Variants in LRRC7 observed in about 807,000 individuals in gnomAD.
The protein encoded by LRRC7 is leucine rich repeat containing 7.
Under a neutral mutation model 175.7 loss-of-function variants are expected in LRRC7, and 23 were observed. That is an observed-to-expected ratio of 0.13 (90% confidence interval 0.09 to 0.19). The LOEUF (loss-of-function observed/expected upper bound fraction) is 0.19. Ranked by LOEUF, LRRC7 falls within the 10% of genes least tolerant of loss-of-function variation. LRRC7 has a pLI of 1.00. For missense variants in LRRC7, 1,354 were observed against 1,904.7 expected, an observed-to-expected ratio of 0.71 and a Z score of 5.38; for synonymous variants, 685 against 680.9, an observed-to-expected ratio of 1.01 and a Z score of -0.09.
At chr1:70,061,598 T>C (rs1661581788) in intron 23 of LRRC7, among the ~76,000 whole-genome samples, 1 of 152,168 alleles carries the variant, frequency 6.6e-6, no homozygotes, top group Admixed American at 6.5e-5. Context: ...TTAAAAAATG[T>C]TTGGCACAAT....
At chr1:69,617,547 T>TAAAAAAAAAAAAA (rs11473590) in intron 1 of LRRC7, among the ~76,000 whole-genome samples, 1,394 of 61,942 alleles carry the variant, frequency 0.023, 111 homozygotes, top group Non-Finnish European at 0.031. Context: ...ATACTCACAG[T>TAAAAAAAAAAAAA]AAAAAAAAAA....
intron 6 of LRRC7, among the ~76,000 whole-genome samples, chr1:69,837,767 A>C (rs1002616503): frequency 6.6e-6 from 1 of 151,676 alleles, no homozygotes; most frequent in Non-Finnish European, 1.5e-5. Flanking sequence ...TATCTCAGTT[A>C]ATTTTAGGAA....
intron 1 of LRRC7, among the ~76,000 whole-genome samples, chr1:69,578,849 G>C (rs1386745155): frequency 1.3e-5 from 2 of 148,862 alleles, no homozygotes; most frequent in African/African-American, 2.5e-5. Flanking sequence ...GCTAAATGAC[G>C]AGTTAATGGG....
intron 4 of LRRC7, among the ~76,000 whole-genome samples, chr1:69,809,006 G>A (rs1677478966): frequency 2.6e-5 from 4 of 151,954 alleles, no homozygotes; most frequent in Admixed American, 2.6e-4. Flanking sequence ...TTTTTGAAAA[G>A]ATCAACAAAA....
At position 70,106,404 on chromosome 1, in the gene LRRC7, G is replaced by A. The variant is rs76543050; in HGVS notation, c.4546-1348G>A. ...AATTGTATAATATTTGGCCTTTTGT[G>A]ACTTGTTTCTTTCACTGGGCATAGT... On this transcript the variant is annotated intron_variant, in intron 25 of 26. Coordinates refer to ENST00000651989, the MANE Select transcript of LRRC7 (RefSeq NM_001370785.2). Among the ~76,000 whole-genome samples the A allele has an allele frequency of 2.6e-5, 4 of 152,060 alleles. No individual in the cohort carries two copies. The East Asian group carries it at 7.7e-4, about 29-fold the overall frequency.
chr1:70,101,961 G>A (rs935492252), intron 25 of LRRC7, among the ~76,000 whole-genome samples: 1 of 152,180 alleles, frequency 6.6e-6, no homozygotes, highest in African/African-American at 2.4e-5. Flanking sequence ...GGAGCTTCCA[G>A]TACCTACCAT....
intron 7 of LRRC7, among the ~76,000 whole-genome samples, chr1:69,864,828 A>G (rs1442020325): frequency 1.3e-5 from 2 of 152,162 alleles, no homozygotes; most frequent in Non-Finnish European, 2.9e-5. Flanking sequence ...AGGAACGCTG[A>G]ATATTTAAGC....
At chr1:69,878,763 G>A (rs902720321) in intron 7 of LRRC7, among the ~76,000 whole-genome samples, 2 of 151,090 alleles carry the variant, frequency 1.3e-5, no homozygotes, top group Non-Finnish European at 2.9e-5. Flanking sequence ...TTAGGGCAGT[G>A]AAGACTCTCT....
intron 7 of LRRC7, among the ~76,000 whole-genome samples, chr1:69,911,607 C>A (rs1004526809): frequency 6.6e-6 from 1 of 152,214 alleles, no homozygotes; most frequent in Non-Finnish European, 1.5e-5. Flanking sequence ...GAGTCCTCTT[C>A]CTGTCCCAGT....
intron 1 of LRRC7, among the ~76,000 whole-genome samples, chr1:69,638,007 A>G (rs1013157143): frequency 6.6e-6 from 1 of 151,848 alleles, no homozygotes; most frequent in Admixed American, 6.6e-5. Flanking sequence ...GGAGGGCACA[A>G]TGAAGTGAGT....
intron 26 of LRRC7, among the ~76,000 whole-genome samples, chr1:70,108,566 T>C (rs1375357717): frequency 6.6e-6 from 1 of 152,200 alleles, no homozygotes; most frequent in Non-Finnish European, 1.5e-5. Flanking sequence ...AAGGAAAAGC[T>C]CTTAAGCATT....
chr1:69,993,584 C>A (rs557404172), intron 10 of LRRC7, among the ~76,000 whole-genome samples: 1 of 152,038 alleles, frequency 6.6e-6, no homozygotes, highest in African/African-American at 2.4e-5. Context: ...TCTGGAGAGT[C>A]ACATTGGTAT....
intron 2 of LRRC7, among the ~76,000 whole-genome samples, chr1:69,691,757 T>A (rs186855549): frequency 6.0e-5 from 8 of 132,810 alleles, no homozygotes; most frequent in Non-Finnish European, 1.2e-4. Context: ...GTGATTACAC[T>A]GCTGCACTCC....
intron 8 of LRRC7, among the ~76,000 whole-genome samples, chr1:69,969,091 T>C (rs1410470402): frequency 6.6e-6 from 1 of 152,084 alleles, no homozygotes; most frequent in African/African-American, 2.4e-5. Context: ...GTGCTGGGAT[T>C]ACAGATGTGA....
At chr1:69,789,152 G>T (rs1171661423) in intron 3 of LRRC7, among the ~76,000 whole-genome samples, 2 of 151,772 alleles carry the variant, frequency 1.3e-5, no homozygotes, top group Non-Finnish European at 2.9e-5. Context: ...TGTTTACTTT[G>T]GTGTCAGTAA....
Position 70,143,973 on chromosome 1 carries a change from G to A in LRRC7, c.*22086G>A, listed in dbSNP as rs774816385. 1.3e-5 allele frequency: 2 copies of A among 152,158 alleles called. No individual in the cohort carries two copies. The highest frequency in any genetic ancestry group is 2.9e-5 in the Non-Finnish European group (2 of 68,028). The allele number at this position is 152,158 out of a possible 1,614,324, so 9.4% of individuals were successfully genotyped here. ...TACTTTATTAACATAGATCGTGAATGTACTTACTGGTTTTTTTGCAGTATG... is the reference window on the plus strand; with the variant it reads ...TACTTTATTAACATAGATCGTGAATATACTTACTGGTTTTTTTGCAGTATG... On this transcript the variant is annotated 3_prime_UTR_variant, in exon 27 of 27. Coordinates refer to ENST00000651989, the MANE Select transcript of LRRC7 (RefSeq NM_001370785.2).
At chr1:69,590,568 C>T (rs919442531) in intron 1 of LRRC7, among the ~76,000 whole-genome samples, 7 of 152,104 alleles carry the variant, frequency 4.6e-5, no homozygotes, top group African/African-American at 1.7e-4. Context: ...AAAGCCTCTT[C>T]CACAAATCAC....
intron 2 of LRRC7, among the ~76,000 whole-genome samples, chr1:69,694,712 G>A (rs1205635794): frequency 6.9e-6 from 1 of 145,630 alleles, no homozygotes; most frequent in African/African-American, 2.6e-5. Flanking sequence ...ATGAGATCTG[G>A]TTGTTTAAAA....
chr1:69,657,465 C>A lies in LRRC7; in HGVS notation c.3-20916C>A, dbSNP rs527645456. On this transcript the variant is annotated intron_variant, in intron 1 of 26. Coordinates refer to ENST00000651989, the MANE Select transcript of LRRC7 (RefSeq NM_001370785.2). ...AGATTATAAATTTATCCGTATCATCCGATTTGAAAAGTATAAGATTCCCAA... is the reference window on the plus strand; with the variant it reads ...AGATTATAAATTTATCCGTATCATCAGATTTGAAAAGTATAAGATTCCCAA... 9.2e-5 allele frequency among the ~76,000 whole-genome samples: 14 copies of A among 151,770 alleles called. 1 individual carries two copies. In the South Asian group the frequency reaches 1.0e-3, roughly 11 times the overall value.
Sources: allele counts gnomAD v4.1 joint callset (sites outside exome capture counted in the v4.1 genomes callset), GRCh38; gene constraint gnomAD v4.1.1; transcripts MANE v1.5; gene names NCBI Gene and HGNC (gene_info 2026-07-23, HGNC 2026-07-21).